SLC8A1: variants seen among roughly 807,000 people sequenced by gnomAD.
The protein encoded by SLC8A1 is sodium/calcium exchanger 1.
SLC8A1 carries 18 observed loss-of-function variants against 68.3 expected under a neutral mutation model. That is an observed-to-expected ratio of 0.26 (90% CI 0.18 to 0.39). The LOEUF (loss-of-function observed/expected upper bound fraction) is 0.39, where lower values mean the gene tolerates loss of function less well. Ranked by LOEUF, SLC8A1 falls within the 10% of genes least tolerant of loss-of-function variation. SLC8A1 has a pLI of 1.00. For missense variants in SLC8A1, 985 were observed against 1,156.7 expected (o/e 0.85, Z 2.15); for synonymous variants, 475 against 415.5 (o/e 1.14, Z -1.74).
chr2:40,219,286 C>A (rs993531734), intron 2 of SLC8A1, among the ~76,000 whole-genome samples: 4 of 152,180 alleles, frequency 2.6e-5, no homozygotes, highest in Non-Finnish European at 4.4e-5. Flanking sequence ...AGGCTTTTTA[C>A]ATGGAATTAA....
At chr2:40,415,971 A>T (rs559132459) in intron 2 of SLC8A1, among the ~76,000 whole-genome samples, 4 of 148,878 alleles carry the variant, frequency 2.7e-5, no homozygotes, top group Non-Finnish European at 4.4e-5. Context: ...CTGAGGCAGG[A>T]GAATTGCTTG....
intron 2 of SLC8A1, among the ~76,000 whole-genome samples, chr2:40,213,758 C>G (rs1484094841): frequency 2.0e-5 from 3 of 152,172 alleles, no homozygotes; most frequent in African/African-American, 4.8e-5. Flanking sequence ...ACAACAGAAA[C>G]TAGAGCTGCA....
chr2:40,282,177 CTCAT>C (rs762052526), intron 2 of SLC8A1, among the ~76,000 whole-genome samples: 1 of 151,942 alleles, frequency 6.6e-6, no homozygotes, highest in Admixed American at 6.6e-5. Flanking sequence ...TGTTTCTTAC[CTCAT>C]TCAGAGGCAT....
chr2:40,270,029 G>A (rs1217086333), intron 2 of SLC8A1, among the ~76,000 whole-genome samples: 1 of 152,022 alleles, frequency 6.6e-6, no homozygotes, highest in Admixed American at 6.6e-5. Context: ...GTCTAGAGTG[G>A]GCAACTGTAC....
In SLC8A1 at chr2:40,276,770, G is replaced by C. The variant is rs116249572; in HGVS notation, c.1809-98915C>G. Among the ~76,000 whole-genome samples, 901 of 152,146 alleles carry C rather than the reference G, an allele frequency of 5.9e-3. 8 individuals carry two copies. Among genetic ancestry groups the C allele is most frequent in the African/African-American group, 0.02 (845 of 41,504 alleles). ...CTTTTTATTGGACATTTTTATTTTA[G>C]GTTGCAAGAATTCTTTATTTCTCTG... On this transcript the variant is annotated intron_variant, in intron 2 of 7. Transcript: ENST00000406785.
At chr2:40,305,838 AATAAAT>A (rs1474455514) in intron 2 of SLC8A1, among the ~76,000 whole-genome samples, 3 of 152,240 alleles carry the variant, frequency 2.0e-5, no homozygotes, top group East Asian at 1.9e-4. Flanking sequence ...AGACACTTAA[AATAAAT>A]ATATTTTGTG....
At chr2:40,266,667 A>T (rs1269993921) in intron 2 of SLC8A1, among the ~76,000 whole-genome samples, 2 of 152,162 alleles carry the variant, frequency 1.3e-5, no homozygotes, top group African/African-American at 4.8e-5. Context: ...ACTGGAGACC[A>T]CTCATATGCA....
chr2:40,166,072 T>G (rs1176826859), intron 4 of SLC8A1, among the ~76,000 whole-genome samples: 1 of 152,172 alleles, frequency 6.6e-6, no homozygotes, highest in Non-Finnish European at 1.5e-5. Flanking sequence ...GGCTGTTGAC[T>G]AAAAAGACAT....
chr2:40,118,272 T>C (rs1252758936), intron 7 of SLC8A1: 1 of 152,248 alleles, frequency 6.6e-6, no homozygotes, highest in Non-Finnish European at 1.5e-5. Context: ...CACACCACAT[T>C]GCCCCTTCCA....
chr2:40,447,597 A>C (rs1701682438), intron 1 of SLC8A1, among the ~76,000 whole-genome samples: 1 of 151,924 alleles, frequency 6.6e-6, no homozygotes, highest in Non-Finnish European at 1.5e-5. Flanking sequence ...TTAAAAAAAA[A>C]AAAAAAAAAA....
exon 2 of SLC8A1, chr2:40,429,788 C>G (rs1398086789): frequency 6.2e-7 from 1 of 1,613,826 alleles, no homozygotes; most frequent in Non-Finnish European, 8.5e-7. Flanking sequence ...GGACCGAGGT[C>G]TCCTGCAGTG....
chr2:40,352,044 C>G (rs1313032683), intron 2 of SLC8A1, among the ~76,000 whole-genome samples: 1 of 152,076 alleles, frequency 6.6e-6, no homozygotes, highest in African/African-American at 2.4e-5. Flanking sequence ...ATGGACGTTG[C>G]TTAAGTCAAT....
chr2:40,496,156 A>G (rs1170850866), intron 1 of SLC8A1, among the ~76,000 whole-genome samples: 1 of 152,060 alleles, frequency 6.6e-6, no homozygotes, highest in African/African-American at 2.4e-5. Context: ...CAAACTTCAG[A>G]TGCCATCTGA....
chr2:40,230,425 A>G (rs559681372), intron 2 of SLC8A1, among the ~76,000 whole-genome samples: 4 of 152,252 alleles, frequency 2.6e-5, no homozygotes, highest in Admixed American at 6.5e-5. Context: ...GGCTTTCATT[A>G]TAACAGCCAC....
upstream of SLC8A1, among the ~76,000 whole-genome samples, chr2:40,454,671 C>T (rs1198274086): frequency 6.6e-6 from 1 of 152,102 alleles, no homozygotes; most frequent in East Asian, 1.9e-4. Flanking sequence ...GATTTGGCAT[C>T]CTTTTTGGTT....
At chr2:40,165,901 C>A (rs545699498) in intron 4 of SLC8A1, among the ~76,000 whole-genome samples, 18 of 152,258 alleles carry the variant, frequency 1.2e-4, no homozygotes, top group African/African-American at 4.3e-4. Flanking sequence ...CTATAATTAC[C>A]CTTATCCTTT....
At chr2:40,271,174 C>T (rs376557804) in intron 2 of SLC8A1, among the ~76,000 whole-genome samples, 6 of 108,426 alleles carry the variant, frequency 5.5e-5, no homozygotes, top group Admixed American at 2.7e-4. Flanking sequence ...CCCCAAGCCC[C>T]CCTCATATGG....
chr2:40,142,372 A>G (rs1461347855), intron 6 of SLC8A1, among the ~76,000 whole-genome samples: 1 of 113,008 alleles, frequency 8.8e-6, no homozygotes, highest in African/African-American at 3.8e-5. Flanking sequence ...AGAAGGGTGC[A>G]TATACTCAGA....
intron 1 of SLC8A1, among the ~76,000 whole-genome samples, chr2:40,492,697 C>T (rs1327414363): frequency 6.7e-6 from 1 of 149,314 alleles, no homozygotes; most frequent in East Asian, 1.9e-4. Flanking sequence ...CATGAACAGA[C>T]ACTTCTCAAA....
Sources: allele counts gnomAD v4.1 joint callset (sites outside exome capture counted in the v4.1 genomes callset), GRCh38; gene constraint gnomAD v4.1.1; transcripts MANE v1.5; gene names NCBI Gene and HGNC (gene_info 2026-07-23, HGNC 2026-07-21).